The following TENM4 variants were observed in gnomAD, a reference collection of about 807,000 sequenced individuals.
TENM4 encodes the protein teneurin transmembrane protein 4, also known as teneurin-4.
Under a neutral mutation model 243.3 loss-of-function variants are expected in TENM4, and 82 were observed. The ratio of observed to expected loss-of-function variants is 0.34; its 90% confidence interval spans 0.28 to 0.40. The LOEUF (loss-of-function observed/expected upper bound fraction) is 0.40, where lower values mean the gene tolerates loss of function less well. Among genes scored for constraint, TENM4 ranks in the 10% least tolerant of loss-of-function variants. The pLI is 1.00. For synonymous variants in TENM4, 1,412 were observed against 1,456.3 expected (o/e 0.97, Z 0.69); for missense variants, 3,138 against 3,673.3 (o/e 0.85, Z 3.77).
intron 16 of TENM4, among the ~76,000 whole-genome samples, chr11:78,785,170 A>G (rs1856910526): frequency 6.6e-6 from 1 of 151,894 alleles, no homozygotes; most frequent in South Asian, 2.1e-4. Context: ...GGGAAAGCAG[A>G]GTTTAAAGAA....
intron 29 of TENM4, 32 bp from the exon 30 acceptor site, chr11:78,676,419 A>T (rs1858479618): frequency 6.5e-7 from 1 of 1,538,626 alleles, no homozygotes; most frequent in South Asian, 1.2e-5. Flanking sequence ...GACTGCTCAG[A>T]AGGAACGAAG....
At chr11:78,974,413 C>T (rs956940988) in intron 6 of TENM4, among the ~76,000 whole-genome samples, 1 of 152,188 alleles carries the variant, frequency 6.6e-6, no homozygotes, top group African/African-American at 2.4e-5. Flanking sequence ...GGTGATATGA[C>T]TTGTGCAGGG....
rs199973967 is a variant in TENM4 at position 78,672,214 on chromosome 11, G to C, written c.5612C>G (p.Pro1871Arg). The change falls in exon 31 of 34, where the codon CCC becomes CGC. Residue 1871 changes from proline to arginine, a missense_variant. Around this residue, in one of 2 missense-constraint regions of TENM4, gnomAD observed 2,467 missense variants for 3,059.1 expected, o/e 0.81. Transcript: ENST00000278550. The stretch of plus-strand genomic sequence containing the variant: ...CCTGCTGCTGGGTGACCAGAGGCTG[G>C]GCCGCCCCGCCTGGTCGTACAGAAT... The part of the protein sequence containing the change: ...LRILYDQAGR[P>R]SLWSPSSRLN... The C allele has an allele frequency of 1.2e-3, 1,884 of 1,613,910 alleles. 1 individual carries two copies. The highest frequency in any genetic ancestry group is 1.4e-3 in the Non-Finnish European group (1,691 of 1,179,884).
intron 22 of TENM4, among the ~76,000 whole-genome samples, chr11:78,728,537 C>A (rs943535920): frequency 6.6e-6 from 1 of 150,876 alleles, no homozygotes; most frequent in South Asian, 2.1e-4. Context: ...CTCCTTCCCT[C>A]CCTCTCTTCC....
chr11:79,108,285 C>T (rs908981343), intron 4 of TENM4, among the ~76,000 whole-genome samples: 2 of 152,130 alleles, frequency 1.3e-5, no homozygotes, highest in African/African-American at 2.4e-5. Context: ...CGAGTGGCCT[C>T]ATCCAATGAG....
At chr11:79,377,843 A>T (rs1162259489) in intron 1 of TENM4, among the ~76,000 whole-genome samples, 3 of 152,066 alleles carry the variant, frequency 2.0e-5, no homozygotes, top group African/African-American at 7.2e-5. Context: ...CTAGAAAGAA[A>T]CACAAGCCAA....
chr11:78,739,004 A>G (rs887540158), intron 19 of TENM4, among the ~76,000 whole-genome samples: 5 of 151,510 alleles, frequency 3.3e-5, no homozygotes, highest in African/African-American at 1.2e-4. Flanking sequence ...TCATCCTGGT[A>G]TAGGGTAAGC....
chr11:79,065,079 G>T (rs1408035422), intron 5 of TENM4, 72 bp from the exon 6 acceptor site: 18 of 1,426,352 alleles, frequency 1.3e-5, no homozygotes, highest in Non-Finnish European at 1.7e-5. Context: ...CCTGAAGCCT[G>T]GCCTTCTTAC....
intron 3 of TENM4, among the ~76,000 whole-genome samples, chr11:79,181,029 AC>A (rs1591337222): frequency 6.6e-6 from 1 of 152,146 alleles, no homozygotes; most frequent in Non-Finnish European, 1.5e-5. Flanking sequence ...AAGAAACTAT[AC>A]CAATTATCTA....
chr11:79,290,217 G>A (rs1011213632), intron 2 of TENM4, among the ~76,000 whole-genome samples: 1 of 152,164 alleles, frequency 6.6e-6, no homozygotes, highest in Non-Finnish European at 1.5e-5. Context: ...GCATTTATCC[G>A]TGACTCACTT....
intron 14 of TENM4, among the ~76,000 whole-genome samples, chr11:78,811,372 A>G (rs1193131993): frequency 2.6e-5 from 4 of 152,246 alleles, no homozygotes; most frequent in Non-Finnish European, 5.9e-5. Context: ...TGGGCAAGTC[A>G]CTGCCCTTCC....
rs866913543 is a variant in TENM4, at chr11:79,416,124, G to A, written c.-321+24385C>T. On this transcript the variant is annotated intron_variant, in intron 1 of 33. Coordinates refer to ENST00000278550, the MANE Select transcript of TENM4 (RefSeq NM_001098816.3). ...CCATTTTATGGATATACCACAATGT[G>A]TTTATCCATTCACCTGTTGATGGAC... Among the ~76,000 whole-genome samples the A allele has an allele frequency of 5.9e-5, 9 of 152,274 alleles. No homozygotes were observed. The South Asian group carries it at 1.5e-3, about 25-fold the overall frequency.
At chr11:79,429,877 C>A (rs1002128347) in intron 1 of TENM4, among the ~76,000 whole-genome samples, 2 of 152,142 alleles carry the variant, frequency 1.3e-5, no homozygotes, top group Non-Finnish European at 2.9e-5. Context: ...AACAACCCTG[C>A]CAAAGACTTA....
chr11:78,660,108 A>G (rs1857993296), intron 33 of TENM4, among the ~76,000 whole-genome samples: 1 of 152,140 alleles, frequency 6.6e-6, no homozygotes, highest in African/African-American at 2.4e-5. Flanking sequence ...CTGGTGAGGG[A>G]GGAGGAGCTG....
Position 78,787,045 on chromosome 11 carries a change from C to A in TENM4, c.2218G>T (p.Val740Leu). The change falls in exon 16 of 34, where the codon GTA (valine) becomes TTA (leucine). Residue 740 changes from valine to leucine, a missense_variant. Val to Leu is a conservative substitution (Grantham distance 32). Coordinates refer to ENST00000278550, the MANE Select transcript of TENM4 (RefSeq NM_001098816.3). ...AADCGGHGVC[V>L]GGTCRCEDGW... The stretch of plus-strand genomic sequence containing the variant: ...TCCTCGCAGCGGCAGGTGCCCCCTA[C>A]GCACACGCCATGGCCACCACAGTCG... The A allele has an allele frequency of 1.3e-6, 2 of 1,552,452 alleles. No individual in the cohort carries two copies. Among genetic ancestry groups the A allele is most frequent in the Non-Finnish European group, 1.7e-6 (2 of 1,147,718 alleles).
At chr11:79,363,574 C>G (rs1424166572) in intron 1 of TENM4, among the ~76,000 whole-genome samples, 2 of 152,282 alleles carry the variant, frequency 1.3e-5, no homozygotes, top group South Asian at 4.1e-4. Context: ...ACACTTATCT[C>G]CCAGAGGCAA....
intron 1 of TENM4, among the ~76,000 whole-genome samples, chr11:79,375,020 A>G (rs1857864556): frequency 6.6e-6 from 1 of 152,248 alleles, no homozygotes; most frequent in Non-Finnish European, 1.5e-5. Flanking sequence ...GAAAGACTGG[A>G]AAGAAATGAG....
chr11:79,276,896 C>A (rs1054158082), intron 2 of TENM4, among the ~76,000 whole-genome samples: 1 of 152,126 alleles, frequency 6.6e-6, no homozygotes, highest in East Asian at 1.9e-4. Flanking sequence ...CTGGCAATAA[C>A]CCCTTCCCCC....
chr11:78,919,199 G>C (rs1170080017), intron 6 of TENM4, among the ~76,000 whole-genome samples: 2 of 152,126 alleles, frequency 1.3e-5, no homozygotes, highest in Non-Finnish European at 2.9e-5. Flanking sequence ...TTACATGCAT[G>C]AACTTATTTT....
Sources: allele counts gnomAD v4.1 joint callset (sites outside exome capture counted in the v4.1 genomes callset), GRCh38; gene constraint gnomAD v4.1.1; regional missense constraint gnomAD v4.1.1; transcripts MANE v1.5; gene names NCBI Gene and HGNC (gene_info 2026-07-23, HGNC 2026-07-21).